Variants in STX8 observed in about 807,000 individuals in gnomAD.
The protein encoded by STX8 is syntaxin 8.
A neutral mutation model predicts 37.5 loss-of-function variants in STX8; 23 were observed. The observed-to-expected ratio is 0.61, with a 90% confidence interval of 0.44 to 0.87. The LOEUF is 0.87. STX8 is among the 40% of genes least tolerant of loss of function. STX8 has a pLI of 0.00. For synonymous variants in STX8, 115 were observed against 99.1 expected (o/e 1.16, Z -0.95); for missense variants, 313 against 284.7 (o/e 1.10, Z -0.71).
At chr17:9,396,375 G>A (rs1335518447) in intron 6 of STX8, among the ~76,000 whole-genome samples, 4 of 151,172 alleles carry the variant, frequency 2.6e-5, no homozygotes, top group African/African-American at 7.3e-5. Context: ...TTGGGGGGGC[G>A]GGGTGGCAGT....
At chr17:9,369,091 T>C (rs986344189) in intron 7 of STX8, among the ~76,000 whole-genome samples, 2 of 152,190 alleles carry the variant, frequency 1.3e-5, no homozygotes, top group Non-Finnish European at 2.9e-5. Context: ...CAGTCCTATC[T>C]ACATTTTTAG....
intron 7 of STX8, among the ~76,000 whole-genome samples, chr17:9,302,474 T>C (rs1396112053): frequency 6.6e-6 from 1 of 152,210 alleles, no homozygotes; most frequent in Non-Finnish European, 1.5e-5. Context: ...TTAAGTTACC[T>C]ATTCTTATTT....
intron 6 of STX8, among the ~76,000 whole-genome samples, chr17:9,472,325 CGA>C (rs1905906077): frequency 6.6e-6 from 1 of 152,150 alleles, no homozygotes; most frequent in African/African-American, 2.4e-5. Context: ...TGAGTAAATG[CGA>C]GAGTACTGCT....
At chr17:9,469,382 AC>A (rs1905754418) in intron 6 of STX8, 1 of 151,850 alleles carries the variant, frequency 6.6e-6, no homozygotes, top group South Asian at 2.1e-4. Context: ...ACACACACAC[AC>A]ATCTACCCCT....
chr17:9,282,631 T>C (rs1393870662), intron 7 of STX8, among the ~76,000 whole-genome samples: 3 of 152,212 alleles, frequency 2.0e-5, no homozygotes, highest in Non-Finnish European at 4.4e-5. Flanking sequence ...TTTTCTTCGC[T>C]TAAAACTGCT....
chr17:9,300,383 C>T (rs976638177), intron 7 of STX8, among the ~76,000 whole-genome samples: 2 of 150,874 alleles, frequency 1.3e-5, no homozygotes, highest in African/African-American at 4.9e-5. Context: ...GAAAATTCCC[C>T]AATTATTTAA....
At chr17:9,456,529 T>C (rs1279989401) in intron 6 of STX8, among the ~76,000 whole-genome samples, 1 of 152,196 alleles carries the variant, frequency 6.6e-6, no homozygotes, top group East Asian at 1.9e-4. Context: ...GTTCCCACTC[T>C]GTGGAGATGG....
intron 6 of STX8, among the ~76,000 whole-genome samples, chr17:9,480,961 T>G (rs1215366804): frequency 1.3e-5 from 2 of 151,956 alleles, no homozygotes; most frequent in African/African-American, 2.4e-5. Context: ...CTCAGCTCAC[T>G]GCAAGCTCCG....
chr17:9,326,181 A>G (rs1032081400), intron 7 of STX8, among the ~76,000 whole-genome samples: 1 of 151,288 alleles, frequency 6.6e-6, no homozygotes, highest in Admixed American at 6.6e-5. Context: ...TCCAGGCTAG[A>G]GTGCAGTGGC....
intron 7 of STX8, among the ~76,000 whole-genome samples, chr17:9,287,281 G>A (rs189689035): frequency 1.3e-5 from 2 of 152,196 alleles, no homozygotes; most frequent in East Asian, 3.9e-4. Flanking sequence ...CTAAAAACAG[G>A]GGGACTAGTT....
intron 2 of STX8, among the ~76,000 whole-genome samples, chr17:9,563,461 G>C (rs1482974672): frequency 6.6e-6 from 1 of 152,092 alleles, no homozygotes; most frequent in Non-Finnish European, 1.5e-5. Flanking sequence ...TGGGATTACA[G>C]GCGTGAGTCA....
Position 9,280,450 on chromosome 17 carries a change from G to A in STX8, c.644-29805C>T, listed in dbSNP as rs144260352. 4.6e-5 allele frequency among the ~76,000 whole-genome samples: 7 copies of A among 152,328 alleles called. No individual in the cohort carries two copies. The East Asian group carries it at 1.3e-3, about 29-fold the overall frequency. On this transcript the variant is annotated intron_variant, in intron 7 of 7. Coordinates refer to ENST00000306357, the MANE Select transcript of STX8 (RefSeq NM_004853.3). ...CGCCTGTAATCCCAGCTACTTGGGA[G>A]GCTGAGACAGGAGAATTACTTGAAC... is the stretch of plus-strand genomic sequence containing the variant.
At chr17:9,363,043 T>C (rs1911118619) in intron 7 of STX8, among the ~76,000 whole-genome samples, 1 of 152,140 alleles carries the variant, frequency 6.6e-6, no homozygotes. Context: ...TCTTGCCTAT[T>C]CCCCTAGCTC....
Position 9,507,427 on chromosome 17 carries a change from G to A in STX8, c.324-2265C>T, listed in dbSNP as rs2142504020. Among the ~76,000 whole-genome samples the A allele has an allele frequency of 6.6e-6, 1 of 152,322 alleles. No individual in the cohort carries two copies. Among genetic ancestry groups the A allele is most frequent in the Non-Finnish European group, 1.5e-5 (1 of 68,034 alleles). ...GCAACTCCTCAGGCCACTCCTGGCA[G>A]ACATGCCCCCGGGGCCATCAAGCAG... On this transcript the variant is annotated intron_variant, in intron 4 of 7. Coordinates refer to ENST00000306357, the MANE Select transcript of STX8 (RefSeq NM_004853.3). This position sits in a 1 kb window ranked among gnomAD's most constrained non-coding sequence, Gnocchi z 4.0.
At chr17:9,414,656 C>G (rs1913114740) in intron 6 of STX8, among the ~76,000 whole-genome samples, 1 of 152,258 alleles carries the variant, frequency 6.6e-6, no homozygotes, top group South Asian at 2.1e-4. Flanking sequence ...CCGCTCTACC[C>G]AGGGTCAACC....
intron 7 of STX8, among the ~76,000 whole-genome samples, chr17:9,258,870 C>T (rs148892064): frequency 1.3e-4 from 20 of 152,322 alleles, no homozygotes; most frequent in Non-Finnish European, 2.4e-4. Flanking sequence ...AGGGCAGGGC[C>T]GAAGCCTTGA....
At chr17:9,384,794 T>TTGTGTGTGTGTGTGTG (rs59655296) in intron 6 of STX8, among the ~76,000 whole-genome samples, 26,147 of 147,390 alleles carry the variant, frequency 0.18, 2,317 homozygotes, top group Non-Finnish European at 0.19. Flanking sequence ...CCAGATAGAC[T>TTGTGTGTGTGTGTGTG]TGTGTGTGTG....
intron 7 of STX8, among the ~76,000 whole-genome samples, chr17:9,315,985 AG>A (rs1909370610): frequency 6.6e-6 from 1 of 150,626 alleles, no homozygotes; most frequent in African/African-American, 2.5e-5. Flanking sequence ...ACTGCACTCC[AG>A]CCTGGGTGAT....
At chr17:9,567,892 C>T (rs1037236896) in intron 2 of STX8, among the ~76,000 whole-genome samples, 1 of 152,090 alleles carries the variant, frequency 6.6e-6, no homozygotes. Context: ...CCCCATGTTG[C>T]CCAGGCTGGT....
Sources: gnomAD v4.1 joint callset for allele counts (sites outside exome capture counted in the v4.1 genomes callset) on GRCh38, gnomAD v4.1.1 for gene constraint, Gnocchi (gnomAD v3.1) non-coding constraint, MANE v1.5 for transcripts, NCBI Gene and HGNC (gene_info 2026-07-23, HGNC 2026-07-21) for gene names.